The following HTR4 variants were observed in gnomAD, a reference collection of about 807,000 sequenced individuals.
HTR4 encodes the protein 5-hydroxytryptamine receptor 4.
In HTR4, 16 loss-of-function variants were observed where a neutral mutation model predicts 36.8. The ratio of observed to expected loss-of-function variants is 0.43; its 90% confidence interval spans 0.29 to 0.66. The LOEUF (loss-of-function observed/expected upper bound fraction) is 0.66. Ranked by LOEUF, HTR4 falls within the 30% of genes least tolerant of loss-of-function variation. The pLI, the probability that HTR4 is intolerant of heterozygous loss-of-function variation, is 0.13. For synonymous variants in HTR4, 189 were observed against 185.1 expected (o/e 1.02, Z -0.17); for missense variants, 438 against 490.9 (o/e 0.89, Z 1.02).
intron 2 of HTR4, among the ~76,000 whole-genome samples, chr5:148,588,098 G>T (rs1049077063): frequency 1.3e-5 from 2 of 152,082 alleles, no homozygotes; most frequent in African/African-American, 4.8e-5. Context: ...AAACACCAAG[G>T]CTCGTAAGAT....
chr5:148,600,281 T>C, intron 2 of HTR4, among the ~76,000 whole-genome samples: 1 of 147,942 alleles, frequency 6.8e-6, no homozygotes, highest in Admixed American at 6.8e-5. Context: ...ATATAACATA[T>C]ATACATATAT....
intron 2 of HTR4, among the ~76,000 whole-genome samples, chr5:148,574,365 C>T (rs1394612605): frequency 6.6e-6 from 1 of 151,458 alleles, no homozygotes; most frequent in Non-Finnish European, 1.5e-5. Context: ...GATAAAAGGG[C>T]AAATATGCTG....
chr5:148,494,847 G>A (rs933529117), intron 6 of HTR4, among the ~76,000 whole-genome samples: 8 of 152,130 alleles, frequency 5.3e-5, no homozygotes, highest in Non-Finnish European at 8.8e-5. Context: ...GTTTCATTTT[G>A]GTTAAATTAA....
intron 4 of HTR4, among the ~76,000 whole-genome samples, chr5:148,537,981 A>G (rs1259586530): frequency 6.6e-6 from 1 of 152,158 alleles, no homozygotes; most frequent in Non-Finnish European, 1.5e-5. Flanking sequence ...AAAATCCCTA[A>G]CAAATTACTT....
downstream of HTR4, among the ~76,000 whole-genome samples, chr5:148,474,992 C>A (rs1382340535): frequency 6.6e-6 from 1 of 151,898 alleles, no homozygotes; most frequent in Non-Finnish European, 1.5e-5. Context: ...TTGCAGTGAG[C>A]CGAGATGGCG....
intron 5 of HTR4, among the ~76,000 whole-genome samples, chr5:148,515,712 A>AT (rs1757714737): frequency 6.6e-6 from 1 of 151,320 alleles, no homozygotes; most frequent in African/African-American, 2.4e-5. Flanking sequence ...TTAATTTGTC[A>AT]TTTTTCTCTA....
intron 6 of HTR4, among the ~76,000 whole-genome samples, chr5:148,500,837 A>T (rs1206005743): frequency 6.6e-6 from 1 of 152,224 alleles, no homozygotes; most frequent in Non-Finnish European, 1.5e-5. Context: ...ATATTTTTTA[A>T]TTAAGAAAAT....
intron 2 of HTR4, among the ~76,000 whole-genome samples, chr5:148,602,242 A>T (rs995091768): frequency 1.3e-5 from 2 of 152,006 alleles, no homozygotes; most frequent in Non-Finnish European, 2.9e-5. Flanking sequence ...GTGTATACTT[A>T]CTCCCACACT....
In HTR4 at chr5:148,593,225, G is replaced by A. The variant is rs6883576; in HGVS notation, c.27-42963C>T. 7.0e-3 allele frequency among the ~76,000 whole-genome samples: 1,065 copies of A among 152,238 alleles called. 15 individuals are homozygous for A. Among genetic ancestry groups the A allele is most frequent in the African/African-American group, 0.024 (1,012 of 41,546 alleles). On this transcript the variant is annotated intron_variant, in intron 2 of 6. Coordinates refer to ENST00000377888, the MANE Select transcript of HTR4 (RefSeq NM_000870.7). ...TCCTGTGAGAATTCTGGACAACTTT[G>A]GTTCAGTGTGTGTCCCTTCAGAGGA... is the stretch of plus-strand genomic sequence containing the variant.
intron 2 of HTR4, among the ~76,000 whole-genome samples, chr5:148,608,533 T>C (rs1003269831): frequency 6.6e-6 from 1 of 152,144 alleles, no homozygotes; most frequent in Non-Finnish European, 1.5e-5. Context: ...TAGAAAGTGG[T>C]ATGATACAAT....
chr5:148,456,830 T>C (rs1755112852), intron 5 of HTR4, among the ~76,000 whole-genome samples: 1 of 152,214 alleles, frequency 6.6e-6, no homozygotes, highest in African/African-American at 2.4e-5. Flanking sequence ...AGACATTAAA[T>C]GAGATAATGC....
In HTR4 at chr5:148,504,741, C is replaced by G. The variant is rs537816200; in HGVS notation, c.1076+4715G>C. The stretch of plus-strand genomic sequence containing the variant: ...GAAAAGATCAACAAAATTGATAGAC[C>G]GCTAGCAAGACTAATAAAGAAGAAA... On this transcript the variant is annotated intron_variant, in intron 6 of 6. Coordinates refer to ENST00000377888, the MANE Select transcript of HTR4 (RefSeq NM_000870.7). Among the ~76,000 whole-genome samples, 795 of 151,956 alleles carry G rather than the reference C, an allele frequency of 5.2e-3. 5 individuals are homozygous for G. The highest frequency in any genetic ancestry group is 0.018 in the African/African-American group (758 of 41,424).
chr5:148,484,858 ACT>A (rs1756077277), intron 6 of HTR4, among the ~76,000 whole-genome samples: 1 of 152,000 alleles, frequency 6.6e-6, no homozygotes. Flanking sequence ...TAAAGTGTAA[ACT>A]CTCTAGATAA....
intron 4 of HTR4, among the ~76,000 whole-genome samples, chr5:148,537,388 CAGAACTGAATTGAAGGAAATCA>C (rs1477428838): frequency 6.6e-6 from 1 of 151,936 alleles, no homozygotes; most frequent in Non-Finnish European, 1.5e-5. Flanking sequence ...TAACCAAAAT[CAGAACTGAATTGAAGGAAATCA>C]AGACACAAAA....
intron 5 of HTR4, among the ~76,000 whole-genome samples, chr5:148,461,526 G>T (rs1755278006): frequency 6.6e-6 from 1 of 151,924 alleles, no homozygotes; most frequent in Non-Finnish European, 1.5e-5. Flanking sequence ...ATAAAGAGGT[G>T]CATTACGTAA....
chr5:148,511,035 A>G (rs905405370), intron 5 of HTR4, among the ~76,000 whole-genome samples: 7 of 152,200 alleles, frequency 4.6e-5, no homozygotes, highest in Non-Finnish European at 4.4e-5. Context: ...AACCCACTCC[A>G]TTTAGGTGTT....
intron 2 of HTR4, among the ~76,000 whole-genome samples, chr5:148,608,150 G>A (rs1325070536): frequency 6.6e-6 from 1 of 152,126 alleles, no homozygotes; most frequent in East Asian, 1.9e-4. Flanking sequence ...GGCTACTTTG[G>A]AGCCAACAGT....
intron 2 of HTR4, among the ~76,000 whole-genome samples, chr5:148,553,337 T>A (rs1759788711): frequency 6.6e-6 from 1 of 152,228 alleles, no homozygotes; most frequent in Non-Finnish European, 1.5e-5. Context: ...TGAGGCTAAC[T>A]AAGACCAGTG....
chr5:148,597,902 C>T (rs908547234), intron 2 of HTR4, among the ~76,000 whole-genome samples: 1 of 152,154 alleles, frequency 6.6e-6, no homozygotes, highest in South Asian at 2.1e-4. Context: ...GAAAGCATTC[C>T]ATAAAAGATT....
Sources: allele counts gnomAD v4.1 joint callset (sites outside exome capture counted in the v4.1 genomes callset), GRCh38; gene constraint gnomAD v4.1.1; transcripts MANE v1.5; gene names NCBI Gene and HGNC (gene_info 2026-07-23, HGNC 2026-07-21).